Variants in NCEH1 observed in about 807,000 individuals in gnomAD.
The protein encoded by NCEH1 is 2-acetyl MAGE hydrolase.
NCEH1 carries 9 observed loss-of-function variants against 25.4 expected under a neutral mutation model. The ratio of observed to expected loss-of-function variants is 0.35; its 90% confidence interval spans 0.21 to 0.62. NCEH1 has a LOEUF of 0.62. NCEH1 is among the 20% of genes least tolerant of loss of function. NCEH1 has a pLI of 0.72. For missense variants in NCEH1, 412 were observed against 501.1 expected (o/e 0.82, Z 1.70); for synonymous variants, 200 against 199.8 (o/e 1.00, Z -0.01).
chr3:172,668,979 C>T (rs1403667015), intron 1 of NCEH1, among the ~76,000 whole-genome samples: 2 of 152,016 alleles, frequency 1.3e-5, no homozygotes, highest in Admixed American at 6.6e-5. Flanking sequence ...GGACTACAGG[C>T]GCATGCCACC....
intron 1 of NCEH1, among the ~76,000 whole-genome samples, chr3:172,672,225 C>G (rs771353610): frequency 6.6e-6 from 1 of 152,096 alleles, no homozygotes; most frequent in Non-Finnish European, 1.5e-5. Context: ...AAATACTTAC[C>G]ACTGCATTAT....
At chr3:172,674,880 G>A (rs560504558) in intron 1 of NCEH1, among the ~76,000 whole-genome samples, 1 of 152,170 alleles carries the variant, frequency 6.6e-6, no homozygotes, top group African/African-American at 2.4e-5. Flanking sequence ...TATAGCAGGA[G>A]TAATAGTTAC....
chr3:172,650,881 G>A (rs1465017336), intron 1 of NCEH1, among the ~76,000 whole-genome samples: 1 of 151,072 alleles, frequency 6.6e-6, no homozygotes. Context: ...ATATGAAAGG[G>A]TAGGTAGATG....
At chr3:172,666,503 G>C (rs1718215390) in intron 1 of NCEH1, among the ~76,000 whole-genome samples, 2 of 152,092 alleles carry the variant, frequency 1.3e-5, no homozygotes, top group Non-Finnish European at 2.9e-5. Context: ...TCTCTGTATG[G>C]GGGAGCTGTT....
intron 1 of NCEH1, among the ~76,000 whole-genome samples, chr3:172,706,426 A>C: frequency 6.6e-6 from 1 of 151,926 alleles, no homozygotes; most frequent in Admixed American, 6.6e-5. Context: ...TTACAACCTA[A>C]ATTTTTTTAA....
chr3:172,656,168 A>T (rs1717682415), intron 1 of NCEH1, among the ~76,000 whole-genome samples: 1 of 152,180 alleles, frequency 6.6e-6, no homozygotes, highest in African/African-American at 2.4e-5. Flanking sequence ...AGAAAGAGAG[A>T]GAGTAAATGC....
intron 3 of NCEH1, among the ~76,000 whole-genome samples, chr3:172,644,677 T>A (rs891501803): frequency 6.6e-6 from 1 of 152,220 alleles, no homozygotes; most frequent in Non-Finnish European, 1.5e-5. Context: ...ATGTTTTATA[T>A]GAGAATTAAG....
rs567039741 is a variant in NCEH1, at chr3:172,640,325, T to G, written c.438-4238A>C. 2.0e-3 allele frequency among the ~76,000 whole-genome samples: 311 copies of G among 152,230 alleles called. 2 individuals carry two copies. The highest frequency in any genetic ancestry group is 6.8e-3 in the Middle Eastern group (2 of 294). On this transcript the variant is annotated intron_variant, in intron 3 of 4. Coordinates refer to ENST00000475381, the MANE Select transcript of NCEH1 (RefSeq NM_020792.6). ...ATATTCCCCACTGTCTTAGGGGTATTTTTAGTAGGGGATATCCAAAACAAA... is the reference window on the plus strand; with the variant it reads ...ATATTCCCCACTGTCTTAGGGGTATGTTTAGTAGGGGATATCCAAAACAAA...
At chr3:172,659,802 A>G (rs1717882639) in intron 1 of NCEH1, among the ~76,000 whole-genome samples, 1 of 152,062 alleles carries the variant, frequency 6.6e-6, no homozygotes, top group Non-Finnish European at 1.5e-5. Flanking sequence ...ATGCTTGACC[A>G]CTCTGGATCA....
In NCEH1 at chr3:172,707,424, C is replaced by A. The variant is rs145792462; in HGVS notation, c.138+3423G>T. On this transcript the variant is annotated intron_variant, in intron 1 of 4. Transcript: ENST00000475381. ...AACTAATCTGATAAACTAATCCATG[C>A]TAATGTAAAAGGGCTCATTTCCAGC... Among the ~76,000 whole-genome samples, 106 of 152,294 alleles carry A rather than the reference C, an allele frequency of 7.0e-4. 1 individual carries two copies. In the East Asian group the frequency reaches 0.019, roughly 27 times the overall value.
intron 1 of NCEH1, among the ~76,000 whole-genome samples, chr3:172,669,249 C>T (rs1410482080): frequency 2.0e-5 from 3 of 152,196 alleles, no homozygotes; most frequent in Non-Finnish European, 4.4e-5. Context: ...GCCAGCTACA[C>T]TAAATGAGAT....
intron 1 of NCEH1, among the ~76,000 whole-genome samples, chr3:172,650,158 A>G (rs1717325532): frequency 1.3e-5 from 2 of 152,216 alleles, no homozygotes. Flanking sequence ...AACCATCTGC[A>G]TTGTTTACAA....
At chr3:172,670,028 A>G (rs1711522497) in intron 1 of NCEH1, among the ~76,000 whole-genome samples, 1 of 152,264 alleles carries the variant, frequency 6.6e-6, no homozygotes, top group Admixed American at 6.5e-5. Flanking sequence ...TATTCATATT[A>G]TAATTTGAAA....
At chr3:172,671,536 GATAT>G (rs1183000360) in intron 1 of NCEH1, among the ~76,000 whole-genome samples, 1 of 94,810 alleles carries the variant, frequency 1.1e-5, no homozygotes, top group Non-Finnish European at 2.1e-5. Flanking sequence ...CACATATATA[GATAT>G]ATATACAAAT....
rs566969001 is a variant in NCEH1, at chr3:172,684,182, G to A, written c.138+26665C>T. ...TTCACCCTAACACTTACAACCCCTC[G>A]CATACAGTGTGTTCAACACATGCTT... On this transcript the variant is annotated intron_variant, in intron 1 of 4. Transcript: ENST00000475381. Among the ~76,000 whole-genome samples the A allele has an allele frequency of 1.6e-4, 25 of 152,222 alleles. No homozygotes were observed. In the South Asian group the frequency reaches 4.4e-3, roughly 27 times the overall value.
intron 1 of NCEH1, among the ~76,000 whole-genome samples, chr3:172,649,270 C>T (rs1265263061): frequency 2.0e-5 from 3 of 151,836 alleles, no homozygotes; most frequent in Non-Finnish European, 4.4e-5. Context: ...ATATATATGT[C>T]CTGTCCTGTC....
intron 1 of NCEH1, among the ~76,000 whole-genome samples, chr3:172,688,486 G>A (rs1712833198): frequency 6.6e-6 from 1 of 151,872 alleles, no homozygotes. Flanking sequence ...GTATAGTCTT[G>A]TCAGAGGTAA....
At chr3:172,649,806 T>C (rs116409568) in intron 1 of NCEH1, among the ~76,000 whole-genome samples, 2,103 of 152,352 alleles carry the variant, frequency 0.014, 54 homozygotes, top group African/African-American at 0.048. Context: ...GGACAGGTAG[T>C]TTGACTGGCA....
At chr3:172,648,746 T>C (rs1034408610) in intron 1 of NCEH1, among the ~76,000 whole-genome samples, 4 of 152,138 alleles carry the variant, frequency 2.6e-5, no homozygotes, top group African/African-American at 9.7e-5. Flanking sequence ...AACCAGAAGC[T>C]TTTTAGAAAT....
Sources: allele counts gnomAD v4.1 joint callset (sites outside exome capture counted in the v4.1 genomes callset), GRCh38; gene constraint gnomAD v4.1.1; transcripts MANE v1.5; gene names NCBI Gene and HGNC (gene_info 2026-07-23, HGNC 2026-07-21).